Variants in LRRC7 observed in about 807,000 individuals in gnomAD.
LRRC7 encodes the protein leucine-rich repeat-containing protein 7.
A neutral mutation model predicts 175.7 loss-of-function variants in LRRC7; 23 were observed. The observed-to-expected ratio is 0.13, with a 90% CI of 0.09 to 0.19. The LOEUF (loss-of-function observed/expected upper bound fraction) is 0.19, where lower values mean the gene tolerates loss of function less well. LRRC7 is among the 10% of genes least tolerant of loss of function. The pLI is 1.00. For missense variants in LRRC7, 1,354 were observed against 1,904.7 expected (o/e 0.71, Z 5.38); for synonymous variants, 685 against 680.9 (o/e 1.01, Z -0.09).
Position 70,036,192 on chromosome 1 carries a change from G to A in LRRC7, c.2067G>A (p.Leu689=). The change falls in exon 19 of 27, where the codon CTG becomes CTA. Residue 689 remains leucine (L), a synonymous_variant. Transcript: ENST00000651989. ...ACCCTTCATTAGCTGAGACCCCTCT[G>A]TACCCACCCAAACTTGTTCTGCTAG... is the stretch of plus-strand genomic sequence containing the variant. ...ELHPSLAETP[L]YPPKLVLLGK... The A allele has an allele frequency of 1.2e-6, 2 of 1,613,542 alleles. No individual in the cohort carries two copies. Among genetic ancestry groups the A allele is most frequent in the Non-Finnish European group, 1.7e-6 (2 of 1,179,704 alleles).
chr1:69,956,550 T>A (rs1650506961), intron 8 of LRRC7, among the ~76,000 whole-genome samples: 2 of 151,800 alleles, frequency 1.3e-5, no homozygotes, highest in African/African-American at 4.8e-5. Context: ...TGAAGAATGT[T>A]ATAAATTAAT....
chr1:70,104,354 C>T (rs542107826), intron 25 of LRRC7, among the ~76,000 whole-genome samples: 10 of 152,140 alleles, frequency 6.6e-5, no homozygotes, highest in Non-Finnish European at 8.8e-5. Context: ...TTAGATTTAT[C>T]TGGTCTCTTT....
intron 2 of LRRC7, among the ~76,000 whole-genome samples, chr1:69,755,202 C>A (rs1021287618): frequency 6.6e-6 from 1 of 151,788 alleles, no homozygotes; most frequent in Non-Finnish European, 1.5e-5. Flanking sequence ...TTCCTTTAAA[C>A]ATTGAAATTA....
At chr1:69,744,700 G>A (rs559541371) in intron 2 of LRRC7, among the ~76,000 whole-genome samples, 2 of 151,738 alleles carry the variant, frequency 1.3e-5, no homozygotes, top group Non-Finnish European at 2.9e-5. Flanking sequence ...CTTGATCTAA[G>A]GCTTAGTGCA....
intron 10 of LRRC7, among the ~76,000 whole-genome samples, chr1:69,987,104 G>A (rs560534899): frequency 1.2e-4 from 18 of 152,238 alleles, no homozygotes; most frequent in African/African-American, 3.6e-4. Flanking sequence ...TACCGGGCAT[G>A]GTGGTGCATG....
chr1:69,756,138 T>C (rs1044351929), intron 2 of LRRC7, among the ~76,000 whole-genome samples: 13 of 151,786 alleles, frequency 8.6e-5, no homozygotes, highest in African/African-American at 2.2e-4. Flanking sequence ...ATACAACTCT[T>C]GTAAGTAAAA....
At chr1:69,574,045 C>G (rs928045530) in intron 1 of LRRC7, among the ~76,000 whole-genome samples, 1 of 151,868 alleles carries the variant, frequency 6.6e-6, no homozygotes, top group African/African-American at 2.4e-5. Context: ...TAGGTATGCC[C>G]AAGGTAGTAT....
Position 69,635,414 on chromosome 1 carries a change from A to G in LRRC7, c.3-42967A>G, listed in dbSNP as rs78075147. On this transcript the variant is annotated intron_variant, in intron 1 of 26. Coordinates refer to ENST00000651989, the MANE Select transcript of LRRC7 (RefSeq NM_001370785.2). ...ATTATGGCAGGAATAATTTTGGTGC[A>G]TTGAATTTAAAAGGATAATGCAGTT... is the stretch of plus-strand genomic sequence containing the variant. Among the ~76,000 whole-genome samples the G allele has an allele frequency of 7.2e-4, 110 of 152,240 alleles. 5 individuals carry two copies. The East Asian group carries it at 0.019, about 26-fold the overall frequency.
rs1334816905 is a variant in LRRC7, at chr1:70,133,094, G to A, written c.*11207G>A. Reference sequence around the variant, plus strand: ...GTACACATCCGCATACTCTTTTAAAGAAACATGTGTCTGCAGTTCAGAAGA... The same window carrying A: ...GTACACATCCGCATACTCTTTTAAAAAAACATGTGTCTGCAGTTCAGAAGA... On this transcript the variant is annotated 3_prime_UTR_variant, in exon 27 of 27. Coordinates refer to ENST00000651989, the MANE Select transcript of LRRC7 (RefSeq NM_001370785.2). Among the ~76,000 whole-genome samples the A allele has an allele frequency of 6.6e-6, 1 of 152,068 alleles. No homozygotes were observed. Among genetic ancestry groups the A allele is most frequent in the African/African-American group, 2.4e-5 (1 of 41,390 alleles).
In LRRC7 at chr1:70,127,328, A is replaced by G. The variant is rs1022268217; in HGVS notation, c.*5441A>G. Among the ~76,000 whole-genome samples, 1 of 152,222 alleles carries G rather than the reference A, an allele frequency of 6.6e-6. No individual in the cohort carries two copies. Among genetic ancestry groups the G allele is most frequent in the Non-Finnish European group, 1.5e-5 (1 of 68,032 alleles). ...AATGGTTTGGAAACACTCCCTGGTAAGGATATAAATTGCACAGCTTCTACT... is the reference window on the plus strand; with the variant it reads ...AATGGTTTGGAAACACTCCCTGGTAGGGATATAAATTGCACAGCTTCTACT... On this transcript the variant is annotated 3_prime_UTR_variant, in exon 27 of 27. Coordinates refer to ENST00000651989, the MANE Select transcript of LRRC7 (RefSeq NM_001370785.2).
At chr1:69,873,249 T>A (rs548514853) in intron 7 of LRRC7, among the ~76,000 whole-genome samples, 1 of 152,238 alleles carries the variant, frequency 6.6e-6, no homozygotes, top group African/African-American at 2.4e-5. Flanking sequence ...CCACTCTGAG[T>A]TTAATTTTCT....
chr1:69,871,524 A>G (rs1685537540), intron 7 of LRRC7, among the ~76,000 whole-genome samples: 1 of 152,074 alleles, frequency 6.6e-6, no homozygotes, highest in Non-Finnish European at 1.5e-5. Flanking sequence ...TGTGTAATTT[A>G]TAAAATATAG....
At chr1:69,666,686 T>C (rs1191404457) in intron 1 of LRRC7, among the ~76,000 whole-genome samples, 1 of 152,090 alleles carries the variant, frequency 6.6e-6, no homozygotes, top group Non-Finnish European at 1.5e-5. Flanking sequence ...TCTGATTTTA[T>C]TTATTTGAGT....
intron 26 of LRRC7, among the ~76,000 whole-genome samples, chr1:70,113,703 C>T (rs1269543759): frequency 6.6e-6 from 1 of 150,630 alleles, no homozygotes; most frequent in Non-Finnish European, 1.5e-5. Context: ...ACAGTTTTCT[C>T]AATGACATTT....
chr1:69,717,853 G>GGAAAGAAAGAAA lies in LRRC7; in HGVS notation c.100+39390_100+39401dup, dbSNP rs144400631. On this transcript the variant is annotated intron_variant, in intron 2 of 26. Transcript: ENST00000651989. ...AAGAAAGAAAGAAAAAAGAAAGAAA[G>GGAAAGAAAGAAA]GAAAGAAAGAAAGAAAGAAAGAAAG... 3.7e-3 allele frequency among the ~76,000 whole-genome samples: 58 copies of GGAAAGAAAGAAA among 15,624 alleles called. 7 individuals carry two copies. Among genetic ancestry groups the GGAAAGAAAGAAA allele is most frequent in the East Asian group, 0.019 (15 of 800 alleles). The allele number at this position is 15,624 out of a possible 152,430, so 10.2% of individuals were successfully genotyped here.
intron 2 of LRRC7, among the ~76,000 whole-genome samples, chr1:69,755,607 A>G (rs985587798): frequency 2.0e-5 from 3 of 151,754 alleles, no homozygotes; most frequent in Admixed American, 6.6e-5. Context: ...TATTAGCAAC[A>G]TTATAACAAA....
intron 19 of LRRC7, 58 bp downstream of exon 19, chr1:70,036,290 G>T: frequency 6.8e-7 from 1 of 1,466,414 alleles, no homozygotes; most frequent in Non-Finnish European, 9.4e-7. Context: ...ATGATGAATC[G>T]CCAGTTGTAA....
At chr1:70,082,860 A>G (rs1252645494) in intron 24 of LRRC7, among the ~76,000 whole-genome samples, 1 of 126,958 alleles carries the variant, frequency 7.9e-6, no homozygotes, top group Admixed American at 1.0e-4. Flanking sequence ...GAGCAATCTC[A>G]CCACAGTCTC....
intron 8 of LRRC7, among the ~76,000 whole-genome samples, chr1:69,932,300 A>G (rs940035567): frequency 1.3e-5 from 2 of 152,206 alleles, no homozygotes; most frequent in African/African-American, 2.4e-5. Flanking sequence ...GATTTAAGTA[A>G]GCAATCCATT....
Sources: allele counts gnomAD v4.1 joint callset (sites outside exome capture counted in the v4.1 genomes callset), GRCh38; gene constraint gnomAD v4.1.1; transcripts MANE v1.5; gene names NCBI Gene and HGNC (gene_info 2026-07-23, HGNC 2026-07-21).